ATP2B4: variants seen among roughly 807,000 people sequenced by gnomAD.
The protein encoded by ATP2B4 is plasma membrane calcium-transporting ATPase 4.
A neutral mutation model predicts 110.3 loss-of-function variants in ATP2B4; 39 were observed. The ratio of observed to expected loss-of-function variants is 0.35; its 90% CI spans 0.27 to 0.46. The LOEUF (loss-of-function observed/expected upper bound fraction) is 0.46, where lower values mean the gene tolerates loss of function less well. Among genes scored for constraint, ATP2B4 ranks in the 20% least tolerant of loss-of-function variants. The probability of loss-of-function intolerance (pLI) is 1.00; values close to 1 mark genes in which losing one functional copy is unlikely to be tolerated. For missense variants in ATP2B4, 1,135 were observed against 1,530.9 expected (o/e 0.74, Z 4.32); for synonymous variants, 538 against 571.7 (o/e 0.94, Z 0.84).
chr1:203,637,361 G>T (rs1006445620), intron 1 of ATP2B4, among the ~76,000 whole-genome samples: 1 of 151,540 alleles, frequency 6.6e-6, no homozygotes, highest in South Asian at 2.1e-4. Context: ...AACCCCCGGG[G>T]GGGGGCGGAG....
chr1:203,681,718 G>A (rs1665019703), intron 1 of ATP2B4, among the ~76,000 whole-genome samples: 1 of 152,088 alleles, frequency 6.6e-6, no homozygotes, highest in Admixed American at 6.6e-5. Context: ...TTTCTGAGGG[G>A]AGAAATGCTG....
At chr1:203,692,685 T>A (rs1357980832) in intron 2 of ATP2B4, among the ~76,000 whole-genome samples, 3 of 152,188 alleles carry the variant, frequency 2.0e-5, no homozygotes. Context: ...CCACCCTTTC[T>A]GGGGCTGAGC....
intron 20 of ATP2B4, among the ~76,000 whole-genome samples, chr1:203,734,038 G>T (rs570940769): frequency 1.2e-4 from 18 of 152,356 alleles, no homozygotes; most frequent in Admixed American, 3.3e-4. Flanking sequence ...GGGCACGATG[G>T]CTCACGCCTG....
At chr1:203,676,048 A>ATAC (rs1046111617) in intron 1 of ATP2B4, among the ~76,000 whole-genome samples, 4 of 152,162 alleles carry the variant, frequency 2.6e-5, no homozygotes, top group African/African-American at 7.2e-5. Flanking sequence ...AGGCCATGGT[A>ATAC]TACTATCCCA....
chr1:203,688,181 G>A (rs888897746), intron 2 of ATP2B4, among the ~76,000 whole-genome samples: 6 of 151,778 alleles, frequency 4.0e-5, no homozygotes, highest in Non-Finnish European at 7.4e-5. Context: ...GCGCCACCAT[G>A]CCGGGTTAAT....
rs187412243 is a variant in ATP2B4, at chr1:203,660,928, G to A, written c.-464-21814G>A. 6.8e-3 allele frequency among the ~76,000 whole-genome samples: 1,039 copies of A among 152,000 alleles called. 13 individuals carry two copies. Among genetic ancestry groups the A allele is most frequent in the African/African-American group, 0.024 (988 of 41,440 alleles). The stretch of plus-strand genomic sequence containing the variant: ...GAGTTCGAGACCAGCTTGGCAACAT[G>A]GTGAAACCCTGTCTCTACTAAAAAT... On this transcript the variant is annotated intron_variant, in intron 1 of 20. Coordinates refer to ENST00000357681, the MANE Select transcript of ATP2B4 (RefSeq NM_001684.5).
At chr1:203,668,091 G>C (rs1264119731) in intron 1 of ATP2B4, among the ~76,000 whole-genome samples, 17 of 152,236 alleles carry the variant, frequency 1.1e-4, no homozygotes, top group Admixed American at 1.1e-3. Context: ...TGGGGAAAGA[G>C]AGAAGAAAGC....
rs546467503 is a variant in ATP2B4 at position 203,700,115 on chromosome 1, A to G, written c.650-91A>G. The G allele has an allele frequency of 1.5e-4, 223 of 1,460,320 alleles. No homozygotes were observed. The South Asian group carries it at 1.7e-3, about 11-fold the overall frequency. The allele number at this position is 1,460,320 out of a possible 1,614,324, so 90.5% of individuals were successfully genotyped here. Reference sequence around the variant, plus strand: ...CTAGATAGGGCCCATGGGAACAGCCATGAGATAGGGTTGAAGGAGTTGGAG... The same window carrying G: ...CTAGATAGGGCCCATGGGAACAGCCGTGAGATAGGGTTGAAGGAGTTGGAG... On this transcript the variant is annotated intron_variant, in intron 4 of 20. Transcript: ENST00000357681.
intron 2 of ATP2B4, among the ~76,000 whole-genome samples, chr1:203,689,595 T>C (rs1485514218): frequency 6.6e-6 from 1 of 152,238 alleles, no homozygotes; most frequent in Admixed American, 6.5e-5. Context: ...CTACTTCTTT[T>C]CTCCTCTGCA....
chr1:203,729,739 T>C (rs1404775405), intron 20 of ATP2B4: 1 of 1,352,440 alleles, frequency 7.4e-7, no homozygotes, highest in Non-Finnish European at 9.9e-7. Context: ...TTCTCCGTGT[T>C]GCTGGCCTCA....
Position 203,699,605 on chromosome 1 carries a change from G to A in ATP2B4, c.537G>A (p.Gly179=), listed in dbSNP as rs753169842. 1.1e-5 allele frequency: 17 copies of A among 1,614,182 alleles called. No homozygotes were observed. The South Asian group carries it at 1.2e-4, about 11-fold the overall frequency. ...GGAGCAAAGAGAAGCAATTCCGGGGGCTGCAGTGCCGCATTGAACAGGAGC... is the reference window on the plus strand; with the variant it reads ...GGAGCAAAGAGAAGCAATTCCGGGGACTGCAGTGCCGCATTGAACAGGAGC... The part of the protein sequence containing the change: ...NDWSKEKQFR[G]LQCRIEQEQK... The change falls in exon 4 of 21, where the codon GGG becomes GGA. Residue 179 remains glycine (G), a synonymous_variant. Coordinates refer to ENST00000357681, the MANE Select transcript of ATP2B4 (RefSeq NM_001684.5).
At chr1:203,698,829 G>T (rs1665609744) in intron 3 of ATP2B4, among the ~76,000 whole-genome samples, 1 of 151,956 alleles carries the variant, frequency 6.6e-6, no homozygotes, top group Admixed American at 6.6e-5. Flanking sequence ...TAGAGACAGG[G>T]CCTTACCATG....
chr1:203,679,839 G>A (rs1010182678), intron 1 of ATP2B4, among the ~76,000 whole-genome samples: 30 of 150,952 alleles, frequency 2.0e-4, no homozygotes, highest in East Asian at 3.9e-4. Context: ...CTGAGATTGC[G>A]CCACTGCACT....
At chr1:203,734,935 C>T (rs1298263912) in intron 20 of ATP2B4, among the ~76,000 whole-genome samples, 5 of 123,150 alleles carry the variant, frequency 4.1e-5, no homozygotes, top group African/African-American at 6.2e-5. Flanking sequence ...ACCCAGGAGG[C>T]GGAGGTTGCG....
intron 2 of ATP2B4, among the ~76,000 whole-genome samples, chr1:203,684,353 ATTTTTTTTT>A (rs56376451): frequency 1.6e-5 from 2 of 125,438 alleles, no homozygotes; most frequent in African/African-American, 2.9e-5. Context: ...CCCCATCTCT[ATTTTTTTTT>A]TTTTTTTTTT....
At chr1:203,724,876 T>C (rs915322726) in intron 19 of ATP2B4, among the ~76,000 whole-genome samples, 4 of 142,210 alleles carry the variant, frequency 2.8e-5, no homozygotes, top group African/African-American at 1.1e-4. Flanking sequence ...TGTTTTTTTT[T>C]TTTTTTTTTT....
chr1:203,647,238 G>A (rs553167788), intron 1 of ATP2B4, among the ~76,000 whole-genome samples: 35 of 152,020 alleles, frequency 2.3e-4, no homozygotes, highest in African/African-American at 8.0e-4. Flanking sequence ...AGACCAGTCT[G>A]GGCAACTTAG....
chr1:203,689,933 C>T (rs962447452), intron 2 of ATP2B4, among the ~76,000 whole-genome samples: 26 of 152,232 alleles, frequency 1.7e-4, no homozygotes, highest in African/African-American at 6.0e-4. Flanking sequence ...CAGTGAAGCT[C>T]TAGCATGGCC....
At chr1:203,711,906 T>C in intron 12 of ATP2B4, 54 bp from the exon 13 acceptor site, 2 of 1,578,306 alleles carry the variant, frequency 1.3e-6, no homozygotes, top group Non-Finnish European at 1.7e-6. Flanking sequence ...CAGGGACAGC[T>C]TACCAGGGTC....
Sources: gnomAD v4.1 joint callset for allele counts (sites outside exome capture counted in the v4.1 genomes callset) on GRCh38, gnomAD v4.1.1 for gene constraint, MANE v1.5 for transcripts, NCBI Gene and HGNC (gene_info 2026-07-23, HGNC 2026-07-21) for gene names.